The following TENM2 variants were observed in gnomAD, a reference collection of about 807,000 sequenced individuals.
The protein encoded by TENM2 is teneurin transmembrane protein 2, also known as teneurin-2.
In TENM2, 52 loss-of-function variants were observed where a neutral mutation model predicts 245.2. The observed-to-expected ratio is 0.21, with a 90% confidence interval of 0.17 to 0.27. The LOEUF is 0.27. Ranked by LOEUF, TENM2 falls within the 10% of genes least tolerant of loss-of-function variation. The pLI, the probability that TENM2 is intolerant of heterozygous loss-of-function variation, is 1.00. For missense variants in TENM2, 3,046 were observed against 3,666.8 expected (o/e 0.83, Z 4.37); for synonymous variants, 1,363 against 1,438.9 (o/e 0.95, Z 1.19).
chr5:168,242,276 G>C (rs1386855614), intron 25 of TENM2, among the ~76,000 whole-genome samples: 1 of 152,186 alleles, frequency 6.6e-6, no homozygotes, highest in Admixed American at 6.5e-5. Flanking sequence ...CAGAATGCAA[G>C]TGTCTGTGGT....
chr5:168,225,300 T>C (rs570535695), intron 23 of TENM2, among the ~76,000 whole-genome samples: 14 of 152,126 alleles, frequency 9.2e-5, no homozygotes, highest in Non-Finnish European at 1.9e-4. Flanking sequence ...TGAGACAAGG[T>C]TGGACTCCAG....
intron 2 of TENM2, among the ~76,000 whole-genome samples, chr5:167,553,082 T>C (rs1262903476): frequency 6.6e-6 from 1 of 152,220 alleles, no homozygotes; most frequent in African/African-American, 2.4e-5. Context: ...GACATGGTTC[T>C]AGAGGACACA....
At chr5:167,926,736 A>G (rs933186071) in intron 3 of TENM2, among the ~76,000 whole-genome samples, 7 of 149,656 alleles carry the variant, frequency 4.7e-5, no homozygotes, top group Non-Finnish European at 1.0e-4. Flanking sequence ...ACACACACAC[A>G]CACACACACA....
At chr5:167,327,102 G>T (rs1757134090) in intron 1 of TENM2, among the ~76,000 whole-genome samples, 1 of 152,012 alleles carries the variant, frequency 6.6e-6, no homozygotes. Context: ...GTATACATGT[G>T]CCATGTTGGT....
chr5:167,742,033 C>T (rs188179092), intron 2 of TENM2, among the ~76,000 whole-genome samples: 44 of 152,270 alleles, frequency 2.9e-4, no homozygotes, highest in Admixed American at 2.4e-3. Context: ...AACCTCCTAC[C>T]TGTATCTTGC....
At chr5:167,800,995 A>G (rs1432318621) in intron 2 of TENM2, among the ~76,000 whole-genome samples, 1 of 151,546 alleles carries the variant, frequency 6.6e-6, no homozygotes, top group Non-Finnish European at 1.5e-5. Flanking sequence ...GCCTTAAAAA[A>G]AAGAACAACG....
chr5:168,008,675 A>C (rs1056996652), intron 5 of TENM2, among the ~76,000 whole-genome samples: 2 of 152,158 alleles, frequency 1.3e-5, no homozygotes, highest in African/African-American at 4.8e-5. Flanking sequence ...TTTGTGATAC[A>C]ATTTGTCTTG....
intron 2 of TENM2, among the ~76,000 whole-genome samples, chr5:167,798,567 T>C (rs1765479192): frequency 6.6e-6 from 1 of 152,114 alleles, no homozygotes; most frequent in Non-Finnish European, 1.5e-5. Context: ...GTGGGTGGCA[T>C]TGACTGACGT....
At position 167,353,159 on chromosome 5, in the gene TENM2, A is replaced by T. The variant is rs894805022; in HGVS notation, c.227-22039A>T. Among the ~76,000 whole-genome samples the T allele has an allele frequency of 3.9e-5, 6 of 152,240 alleles. No homozygotes were observed. The South Asian group carries it at 1.2e-3, about 32-fold the overall frequency. On this transcript the variant is annotated intron_variant, in intron 1 of 28. Coordinates refer to ENST00000518659, the Ensembl canonical transcript of TENM2. ...CTAATCTGTGAAATGCTTTCTGAGC[A>T]GACTGGCTCATCAGCGCATGCCATG...
At chr5:166,996,209 G>A in the TENM2 span, among the ~76,000 whole-genome samples, 1 of 152,076 alleles carries the variant, frequency 6.6e-6, no homozygotes, top group Admixed American at 6.6e-5. Flanking sequence ...CGGGCGTGGT[G>A]GCGGGCGCTT....
intron 2 of TENM2, among the ~76,000 whole-genome samples, chr5:167,698,470 C>T (rs894434651): frequency 1.1e-4 from 16 of 152,176 alleles, no homozygotes; most frequent in African/African-American, 3.6e-4. Context: ...TAAAAACAGC[C>T]CCTTAATCCC....
At chr5:168,203,016 G>A (rs1318556730) in intron 17 of TENM2, among the ~76,000 whole-genome samples, 1 of 152,224 alleles carries the variant, frequency 6.6e-6, no homozygotes. Context: ...AGCCAAGCTA[G>A]GACTAATGTC....
intron 2 of TENM2, among the ~76,000 whole-genome samples, chr5:167,646,594 G>A (rs72819696): frequency 0.015 from 2,351 of 151,944 alleles, 25 homozygotes; most frequent in South Asian, 0.041. Context: ...TGCTTCAGTT[G>A]GACAAACGCT....
Position 167,671,159 on chromosome 5 carries a change from AC to A in TENM2, c.503-204825del, listed in dbSNP as rs1184959047. ...ATTAATATGATTTGGTCTGACACAC[AC>A]CTACCCCACCCCATAGTTCCGTAGC... On this transcript the variant is annotated intron_variant, in intron 2 of 28. Transcript: ENST00000518659. Among the ~76,000 whole-genome samples the A allele has an allele frequency of 3.3e-5, 5 of 152,212 alleles. No homozygotes were observed. In the East Asian group the frequency reaches 5.8e-4, roughly 18 times the overall value.
intron 2 of TENM2, among the ~76,000 whole-genome samples, chr5:167,663,080 T>C (rs1755320111): frequency 6.6e-6 from 1 of 150,822 alleles, no homozygotes; most frequent in Admixed American, 6.6e-5. Context: ...CTAGGTGGCT[T>C]AAAAACTAAG....
At chr5:168,162,508 C>T (rs1757833910) in intron 12 of TENM2, 103 bp from the exon 15 acceptor site, 2 of 1,306,814 alleles carry the variant, frequency 1.5e-6, no homozygotes, top group Admixed American at 2.2e-5. Flanking sequence ...GTGAGGCTGG[C>T]CCAGCGGCTG....
rs895493428 is a variant in TENM2 at position 167,736,854 on chromosome 5, A to G, written c.503-139132A>G. On this transcript the variant is annotated intron_variant, in intron 2 of 28. Coordinates refer to ENST00000518659, the Ensembl canonical transcript of TENM2. The stretch of plus-strand genomic sequence containing the variant: ...AAGAGATATTGAAAGGAACATCCTA[A>G]CAAGGGGCTGAAGCAGCCACACCAG... Among the ~76,000 whole-genome samples, 10 of 152,304 alleles carry G rather than the reference A, an allele frequency of 6.6e-5. No homozygotes were observed. In the East Asian group the frequency reaches 1.9e-3, roughly 29 times the overall value.
intron 2 of TENM2, among the ~76,000 whole-genome samples, chr5:167,853,653 C>T (rs1272854460): frequency 6.6e-6 from 1 of 152,158 alleles, no homozygotes; most frequent in African/African-American, 2.4e-5. Context: ...GTAATTTCTC[C>T]ACCCTTAATA....
the TENM2 span, among the ~76,000 whole-genome samples, chr5:167,101,802 C>A: frequency 3.1e-5 from 4 of 131,100 alleles, no homozygotes; most frequent in African/African-American, 1.1e-4. Flanking sequence ...AGATCCCAGA[C>A]TTCTCAGTCT....
Sources: gnomAD v4.1 joint callset for allele counts (sites outside exome capture counted in the v4.1 genomes callset) on GRCh38, gnomAD v4.1.1 for gene constraint, MANE v1.5 for transcripts, NCBI Gene and HGNC (gene_info 2026-07-23, HGNC 2026-07-21) for gene names.